The following MAST2 variants were observed in gnomAD, a reference collection of about 807,000 sequenced individuals.
MAST2 encodes microtubule-associated serine/threonine-protein kinase 2.
MAST2 carries 70 observed loss-of-function variants against 147.4 expected under a neutral mutation model. That is an observed-to-expected ratio of 0.47 (90% CI 0.39 to 0.58). MAST2 has a LOEUF of 0.58. Ranked by LOEUF, MAST2 falls within the 20% of genes least tolerant of loss-of-function variation. MAST2 has a pLI of 0.00. For synonymous variants in MAST2, 869 were observed against 896.8 expected (o/e 0.97, Z 0.55); for missense variants, 2,080 against 2,302.3 (o/e 0.90, Z 1.98).
intron 4 of MAST2, among the ~76,000 whole-genome samples, chr1:45,953,203 AT>A (rs369229565): frequency 1.3e-5 from 2 of 149,654 alleles, no homozygotes; most frequent in Non-Finnish European, 3.0e-5. Context: ...ACAATATGTA[AT>A]TTCTAAACCA....
At chr1:46,033,309 C>T (rs2149347281) in intron 26 of MAST2, among the ~76,000 whole-genome samples, 1 of 150,876 alleles carries the variant, frequency 6.6e-6, no homozygotes, top group African/African-American at 2.4e-5. Context: ...TGTGGTAGCA[C>T]ATGCCTGTAA....
intron 5 of MAST2, among the ~76,000 whole-genome samples, chr1:45,963,674 G>T (rs1660762572): frequency 6.6e-6 from 1 of 152,126 alleles, no homozygotes; most frequent in South Asian, 2.1e-4. Flanking sequence ...GAGACAATGG[G>T]GTTTTCTAGA....
At chr1:45,862,871 G>GAA (rs1049646482) in intron 3 of MAST2, among the ~76,000 whole-genome samples, 96 of 152,268 alleles carry the variant, frequency 6.3e-4, no homozygotes, top group African/African-American at 2.2e-3. Flanking sequence ...ACTTCCACTT[G>GAA]AAGCCTTTTT....
At chr1:45,913,401 T>G (rs1183607533) in intron 4 of MAST2, among the ~76,000 whole-genome samples, 1 of 152,234 alleles carries the variant, frequency 6.6e-6, no homozygotes, top group East Asian at 1.9e-4. Context: ...GTGTGAGTTT[T>G]CAAGTTGCTA....
At chr1:45,832,454 C>G (rs570241412) in intron 3 of MAST2, among the ~76,000 whole-genome samples, 1 of 151,932 alleles carries the variant, frequency 6.6e-6, no homozygotes, top group South Asian at 2.1e-4. Flanking sequence ...GCCACCTCAC[C>G]TGGCTATTTT....
At position 46,035,740 on chromosome 1, in the gene MAST2, C is replaced by T; in HGVS notation, c.5071C>T (p.Pro1691Ser). Reference sequence around the variant, plus strand: ...CCTCCAGGATTTGGAAAACACAACTCCAGCCCAGCCTAAGAACCTGTCTCC... The same window carrying T: ...CCTCCAGGATTTGGAAAACACAACTTCAGCCCAGCCTAAGAACCTGTCTCC... ...ANLQDLENTT[P>S]AQPKNLSPRE... Residue 1691 changes from proline (P) to serine (S), a missense_variant, in exon 29 of 29, where the codon CCA (proline) becomes TCA (serine). Pro to Ser is a moderately conservative substitution (Grantham distance 74). Coordinates refer to ENST00000361297, the MANE Select transcript of MAST2 (RefSeq NM_015112.3). The surrounding 1 kb of genome is among the most constrained non-coding windows in gnomAD (Gnocchi z 5.5). 6.2e-7 allele frequency: 1 copy of T among 1,614,062 alleles called. No homozygotes were observed. Among genetic ancestry groups the T allele is most frequent in the African/African-American group, 1.3e-5 (1 of 75,018 alleles).
chr1:45,971,612 A>G (rs887408628), intron 5 of MAST2, among the ~76,000 whole-genome samples: 2 of 152,214 alleles, frequency 1.3e-5, no homozygotes, highest in Non-Finnish European at 2.9e-5. Flanking sequence ...GAGAAAGTTT[A>G]ACATCATGCT....
rs147925804 is a variant in MAST2, at chr1:45,825,316, C to T, written c.325+736C>T. On this transcript the variant is annotated intron_variant, in intron 2 of 28. Coordinates refer to ENST00000361297, the MANE Select transcript of MAST2 (RefSeq NM_015112.3). ...CTGGGATTACAGGCGTGAGCCACCG[C>T]GCCCAGCCTCTTATATTTAAATTTT... is the stretch of plus-strand genomic sequence containing the variant. Among the ~76,000 whole-genome samples the T allele has an allele frequency of 6.4e-4, 98 of 152,206 alleles. 1 individual carries two copies. In the East Asian group the frequency reaches 0.014, roughly 22 times the overall value.
intron 4 of MAST2, among the ~76,000 whole-genome samples, chr1:45,887,493 C>T (rs1647147383): frequency 6.6e-6 from 1 of 152,114 alleles, no homozygotes; most frequent in South Asian, 2.1e-4. Flanking sequence ...GACTTAGATA[C>T]CAGATATTGG....
intron 5 of MAST2, among the ~76,000 whole-genome samples, chr1:45,993,705 G>A (rs945465231): frequency 6.6e-6 from 1 of 151,758 alleles, no homozygotes; most frequent in Non-Finnish European, 1.5e-5. Context: ...TTTTTTTGCT[G>A]GTACAATGAC....
At chr1:45,951,306 G>A (rs1460147600) in intron 4 of MAST2, among the ~76,000 whole-genome samples, 1 of 151,726 alleles carries the variant, frequency 6.6e-6, no homozygotes, top group Non-Finnish European at 1.5e-5. Context: ...AAGGAGGCTG[G>A]ACATGATGGC....
intron 4 of MAST2, among the ~76,000 whole-genome samples, chr1:45,927,296 A>G (rs1313198542): frequency 6.6e-6 from 1 of 150,872 alleles, no homozygotes; most frequent in East Asian, 1.9e-4. Context: ...ATCAGGAGAT[A>G]GAGTTTTGAG....
In MAST2 at chr1:46,034,262, T is replaced by G. The variant is rs1646804413; in HGVS notation, c.3864T>G (p.His1288Gln). The G allele has an allele frequency of 1.9e-6, 3 of 1,611,976 alleles. No homozygotes were observed. The East Asian group carries it at 6.7e-5, about 36-fold the overall frequency. The change falls in exon 28 of 29, where the codon CAT (histidine) becomes CAG (glutamine). Residue 1288 changes from histidine to glutamine, a missense_variant. Physicochemically the swap from His to Gln is conservative, Grantham distance 24. Around this residue, in one of 4 missense-constraint regions of MAST2, gnomAD observed 1,278 missense variants for 1,304.2 expected, o/e 0.98. Transcript: ENST00000361297. The stretch of plus-strand genomic sequence containing the variant: ...ACCGGGTGACCCCCGATGCTGTGCA[T>G]TCAGGTACGAAGGGCTCCCTGCAGA... ...QGYRVTPDAVHSVGGNSSQSS... is the reference protein window; with the variant it reads ...QGYRVTPDAVQSVGGNSSQSS...
chr1:45,977,050 AG>A (rs1644190040), intron 5 of MAST2, among the ~76,000 whole-genome samples: 1 of 152,246 alleles, frequency 6.6e-6, no homozygotes, highest in African/African-American at 2.4e-5. Context: ...AATCAATTCC[AG>A]GTGAATTATA....
intron 3 of MAST2, among the ~76,000 whole-genome samples, chr1:45,844,735 T>TG (rs1337590115): frequency 6.6e-6 from 1 of 152,220 alleles, no homozygotes; most frequent in Non-Finnish European, 1.5e-5. Flanking sequence ...ATCTAAATTT[T>TG]TAAAAGGCAT....
At chr1:45,862,825 A>G (rs1054524751) in intron 3 of MAST2, among the ~76,000 whole-genome samples, 1 of 152,170 alleles carries the variant, frequency 6.6e-6, no homozygotes, top group African/African-American at 2.4e-5. Context: ...TGAAAGGTTG[A>G]TAATCCCATA....
intron 3 of MAST2, among the ~76,000 whole-genome samples, chr1:45,848,371 C>G (rs1645511479): frequency 6.6e-6 from 1 of 152,214 alleles, no homozygotes. Context: ...TACTTACCTT[C>G]TGGGAGTCTG....
chr1:45,999,884 A>G (rs765929745), intron 6 of MAST2, among the ~76,000 whole-genome samples: 2 of 152,242 alleles, frequency 1.3e-5, no homozygotes, highest in African/African-American at 2.4e-5. Flanking sequence ...GTCACCTTTA[A>G]TAGAGATACC....
intron 19 of MAST2, 98 bp downstream of exon 19, chr1:46,029,665 C>T: frequency 2.2e-6 from 3 of 1,364,266 alleles, no homozygotes; most frequent in East Asian, 4.7e-5. Flanking sequence ...TACGGGCAGC[C>T]CCTCTGGATC....
Sources: gnomAD v4.1 joint callset for allele counts (sites outside exome capture counted in the v4.1 genomes callset) on GRCh38, gnomAD v4.1.1 for gene constraint, gnomAD v4.1.1 regional missense constraint, Gnocchi (gnomAD v3.1) non-coding constraint, MANE v1.5 for transcripts, NCBI Gene and HGNC (gene_info 2026-07-23, HGNC 2026-07-21) for gene names.